CDH13: variants seen among roughly 807,000 people sequenced by gnomAD.
CDH13 encodes cadherin 13, also known as cadherin-13.
A neutral mutation model predicts 63.8 loss-of-function variants in CDH13; 24 were observed. The observed-to-expected ratio is 0.38, with a 90% CI of 0.27 to 0.53. The LOEUF is 0.53. Among genes scored for constraint, CDH13 ranks in the 20% least tolerant of loss-of-function variants. The probability of loss-of-function intolerance (pLI) is 0.85; values close to 1 mark genes in which losing one functional copy is unlikely to be tolerated. For synonymous variants in CDH13, 503 were observed against 355.3 expected, an observed-to-expected ratio of 1.42 and a Z score of -4.67; for missense variants, 1,049 against 903.1, an observed-to-expected ratio of 1.16 and a Z score of -2.07.
At chr16:82,954,112 G>A (rs1905694861) in intron 2 of CDH13, 1 of 152,266 alleles carries the variant, frequency 6.6e-6, no homozygotes, top group Non-Finnish European at 1.5e-5. Context: ...ACACCAGGAT[G>A]CACTGAATGG....
chr16:82,999,887 G>C (rs1417406347), intron 2 of CDH13, among the ~76,000 whole-genome samples: 2 of 152,094 alleles, frequency 1.3e-5, no homozygotes, highest in Non-Finnish European at 2.9e-5. Flanking sequence ...CTAAACCCGG[G>C]ACAATTTCAC....
chr16:83,191,737 G>C (rs2038720945), intron 4 of CDH13, among the ~76,000 whole-genome samples: 2 of 151,652 alleles, frequency 1.3e-5, no homozygotes, highest in Non-Finnish European at 2.9e-5. Flanking sequence ...GAAAGATGTA[G>C]GCTGGGAGGC....
chr16:82,863,376 GA>G (rs1392332101), intron 2 of CDH13, among the ~76,000 whole-genome samples: 4 of 152,132 alleles, frequency 2.6e-5, no homozygotes, highest in Non-Finnish European at 5.9e-5. Context: ...CTAGGGGAGG[GA>G]CAGCACCTAC....
At chr16:82,968,962 A>G (rs1469805316) in intron 2 of CDH13, among the ~76,000 whole-genome samples, 3 of 152,126 alleles carry the variant, frequency 2.0e-5, no homozygotes, top group Non-Finnish European at 4.4e-5. Context: ...TCTACAAAAT[A>G]TACAAAAATT....
intron 4 of CDH13, among the ~76,000 whole-genome samples, chr16:83,206,324 A>G (rs2039180277): frequency 6.6e-6 from 1 of 152,190 alleles, no homozygotes; most frequent in African/African-American, 2.4e-5. Context: ...CTTCATCTTC[A>G]TCTCATGAAG....
intron 6 of CDH13, among the ~76,000 whole-genome samples, chr16:83,481,258 T>C (rs1035837964): frequency 3.9e-5 from 6 of 152,218 alleles, no homozygotes; most frequent in Non-Finnish European, 7.3e-5. Context: ...AATACGTGAT[T>C]CGCTTATAGG....
chr16:83,332,085 A>C (rs1353565597), intron 5 of CDH13, among the ~76,000 whole-genome samples: 1 of 152,270 alleles, frequency 6.6e-6, no homozygotes, highest in South Asian at 2.1e-4. Flanking sequence ...GTCAAACACT[A>C]TGAACTTTTT....
chr16:82,818,770 TC>T (rs1160408106), intron 1 of CDH13, among the ~76,000 whole-genome samples: 1 of 152,186 alleles, frequency 6.6e-6, no homozygotes, highest in African/African-American at 2.4e-5. Context: ...AGGGCAAGTC[TC>T]TGTAAAGGCC....
chr16:82,824,606 T>C (rs1226263529), intron 1 of CDH13: 2 of 152,176 alleles, frequency 1.3e-5, no homozygotes, highest in Admixed American at 6.5e-5. Context: ...TATCTATTTA[T>C]AGGAAACACA....
At chr16:83,706,460 A>G (rs886939132) in intron 10 of CDH13, among the ~76,000 whole-genome samples, 4 of 152,334 alleles carry the variant, frequency 2.6e-5, no homozygotes, top group Middle Eastern at 3.4e-3. Context: ...CTATAGAGCC[A>G]AAGTCTGCAT....
At chr16:82,971,009 G>A (rs1029741009) in intron 2 of CDH13, among the ~76,000 whole-genome samples, 16 of 152,156 alleles carry the variant, frequency 1.1e-4, no homozygotes, top group African/African-American at 3.6e-4. Flanking sequence ...AGCAGACACT[G>A]TAGGTGCTCC....
At position 83,563,159 on chromosome 16, in the gene CDH13, C is replaced by T. The variant is rs562038833; in HGVS notation, c.961-39295C>T. ...ATTCCAGGAATAGCCCATGGACTTG[C>T]AAAGAGAGGCAAAAAATGGCATCTA... On this transcript the variant is annotated intron_variant, in intron 7 of 13. Coordinates refer to ENST00000567109, the MANE Select transcript of CDH13 (RefSeq NM_001257.5). Among the ~76,000 whole-genome samples the T allele has an allele frequency of 2.6e-5, 4 of 152,286 alleles. No individual in the cohort carries two copies. In the East Asian group the frequency reaches 7.7e-4, roughly 29 times the overall value.
rs115195632 is a variant in CDH13 at position 83,160,932 on chromosome 16, T to C, written c.483+35431T>C. Among the ~76,000 whole-genome samples, 1,446 of 152,332 alleles carry C rather than the reference T, an allele frequency of 9.5e-3. 22 individuals are homozygous for C. Among genetic ancestry groups the C allele is most frequent in the African/African-American group, 0.033 (1,379 of 41,576 alleles). On this transcript the variant is annotated intron_variant, in intron 4 of 13. Coordinates refer to ENST00000567109, the MANE Select transcript of CDH13 (RefSeq NM_001257.5). ...ACATTTTTCCGTTACTGGGACTTGA[T>C]ACAATGCTGGAAGCTTTCCTGTTAG...
At chr16:83,206,814 C>A (rs1411080008) in intron 4 of CDH13, among the ~76,000 whole-genome samples, 1 of 152,194 alleles carries the variant, frequency 6.6e-6, no homozygotes, top group Non-Finnish European at 1.5e-5. Flanking sequence ...AATCAAGAGA[C>A]CAAGGACACT....
intron 1 of CDH13, among the ~76,000 whole-genome samples, chr16:82,642,091 C>CAAAA (rs373359175): frequency 1.8e-5 from 2 of 110,438 alleles, no homozygotes; most frequent in East Asian, 2.7e-4. Context: ...TCATGGAGGG[C>CAAAA]AAAAAAAAAA....
intron 11 of CDH13, among the ~76,000 whole-genome samples, chr16:83,779,577 C>G (rs1042477944): frequency 6.6e-6 from 1 of 152,096 alleles, no homozygotes; most frequent in African/African-American, 2.4e-5. Flanking sequence ...GATCACAACA[C>G]TTTTGGTGTC....
intron 7 of CDH13, among the ~76,000 whole-genome samples, chr16:83,487,787 T>G (rs1306061131): frequency 1.3e-5 from 2 of 152,200 alleles, no homozygotes; most frequent in Non-Finnish European, 2.9e-5. Flanking sequence ...CATTTCCCCC[T>G]CAGTGTTTTT....
intron 5 of CDH13, among the ~76,000 whole-genome samples, chr16:83,265,727 CTTTTTTT>C (rs71272416): frequency 4.7e-4 from 20 of 42,566 alleles, no homozygotes; most frequent in South Asian, 8.6e-4. Flanking sequence ...TAAATTTCTG[CTTTTTTT>C]TTTTTTTTTT....
chr16:83,368,163 T>C (rs1280570742), intron 6 of CDH13, among the ~76,000 whole-genome samples: 1 of 152,352 alleles, frequency 6.6e-6, no homozygotes, highest in Admixed American at 6.5e-5. Context: ...ACATAGACAT[T>C]ATTATGCTTA....
Sources: gnomAD v4.1 joint callset for allele counts (sites outside exome capture counted in the v4.1 genomes callset) on GRCh38, gnomAD v4.1.1 for gene constraint, MANE v1.5 for transcripts, NCBI Gene and HGNC (gene_info 2026-07-23, HGNC 2026-07-21) for gene names.